Variants in HYOU1 observed in about 807,000 individuals in gnomAD.
HYOU1 encodes hypoxia up-regulated 1.
Under a neutral mutation model 120.5 loss-of-function variants are expected in HYOU1, and 40 were observed. That is an observed-to-expected ratio of 0.33 (90% CI 0.26 to 0.43). The LOEUF (loss-of-function observed/expected upper bound fraction) is 0.43, where lower values mean the gene tolerates loss of function less well. HYOU1 is among the 20% of genes least tolerant of loss of function. HYOU1 has a pLI of 1.00. For synonymous variants in HYOU1, 501 were observed against 479.4 expected, an observed-to-expected ratio of 1.05 and a Z score of -0.59; for missense variants, 1,085 against 1,278.3, an observed-to-expected ratio of 0.85 and a Z score of 2.31.
At chr11:119,054,420 G>A in intron 7 of HYOU1, 74 bp downstream of exon 7, 2 of 1,495,044 alleles carry the variant, frequency 1.3e-6, no homozygotes, top group Non-Finnish European at 1.9e-6. Flanking sequence ...CAAACCAGAT[G>A]CAAAAGGGAC....
chr11:119,056,097 G>A lies in HYOU1; in HGVS notation c.64C>T (p.Leu22Phe), dbSNP rs1272663839. 1 of 1,614,082 alleles carries A rather than the reference G, an allele frequency of 6.2e-7. No individual in the cohort carries two copies. Among genetic ancestry groups the A allele is most frequent in the Non-Finnish European group, 8.5e-7 (1 of 1,179,996 alleles). ...RRVCWALVAV[L>F]LADLLALSDT... ...CTCAGTGCCAACAGGTCTGCCAAGA[G>A]CACAGCCACCAAGGCCCAACAGACT... is the stretch of plus-strand genomic sequence containing the variant. The change falls in exon 2 of 26, where the codon CTC (leucine) becomes TTC (phenylalanine). Residue 22 changes from leucine (L) to phenylalanine (F), a missense_variant. Around this residue, in one of 4 missense-constraint regions of HYOU1, gnomAD observed 45 missense variants for 49.2 expected, o/e 0.91. Transcript: ENST00000617285.
chr11:119,056,300 C>T (rs543632148), intron 1 of HYOU1, 133 bp from the exon 2 acceptor site: 2 of 717,062 alleles, frequency 2.8e-6, no homozygotes, highest in South Asian at 3.0e-5. Context: ...CAGCCTACTT[C>T]TCCCCTTCTC....
chr11:119,054,475 C>A lies in HYOU1; in HGVS notation c.678+19G>T. The A allele has an allele frequency of 2.5e-6, 4 of 1,612,936 alleles. No homozygotes were observed. In the South Asian group the frequency reaches 4.4e-5, roughly 18 times the overall value. ...GATTCAGTCACCCTGCATGTCTGGT[C>A]AAGGCTCCCCTGGCTCACCTGGGCA... On this transcript the variant is annotated intron_variant, in intron 7 of 25. Transcript: ENST00000617285.
chr11:119,047,777 T>C lies in HYOU1; in HGVS notation c.2552A>G (p.Glu851Gly), dbSNP rs1944169685. 6.2e-7 allele frequency: 1 copy of C among 1,613,962 alleles called. No homozygotes were observed. Among genetic ancestry groups the C allele is most frequent in the African/African-American group, 1.3e-5 (1 of 74,898 alleles). Residue 851 changes from glutamate (E) to glycine (G), a missense_variant, in exon 22 of 26, where the codon GAG becomes GGG. By Grantham distance (98) the Glu-to-Gly change is moderately conservative. Coordinates refer to ENST00000617285, the MANE Select transcript of HYOU1 (RefSeq NM_006389.5). ...TTTCTCTAACGTTGTCATCTCCACC[T>C]CAGTGAAGATCTGGTCCATCTCTGG... The part of the protein sequence containing the change: ...LIPEMDQIFT[E>G]VEMTTLEKVI...
In HYOU1 at chr11:119,049,626, T is replaced by G. The variant is rs1944300406; in HGVS notation, c.1736A>C (p.Asn579Thr). The change falls in exon 16 of 26, where the codon AAC becomes ACC. Residue 579 changes from asparagine to threonine, a missense_variant. By Grantham distance (65) the Asn-to-Thr change is moderately conservative. This residue lies in a region of HYOU1 where 515 missense variants were observed against 677.8 expected (regional missense o/e 0.76). Coordinates refer to ENST00000617285, the MANE Select transcript of HYOU1 (RefSeq NM_006389.5). ...EEESTLTKLG[N>T]TISSLFGGGT... ...GCCTCCAAACAGGCTGGAAATGGTG[T>G]TGCCAAGTTCTAGGGGGAGTAAAAC... 1 of 1,614,048 alleles carries G rather than the reference T, an allele frequency of 6.2e-7. No individual in the cohort carries two copies. Among genetic ancestry groups the G allele is most frequent in the South Asian group, 1.1e-5 (1 of 91,094 alleles).
chr11:119,047,558 T>C (rs899083333), intron 22 of HYOU1, 176 bp downstream of exon 22: 8 of 602,896 alleles, frequency 1.3e-5, no homozygotes, highest in Admixed American at 5.8e-5. Context: ...ATGACTCTTA[T>C]GGCCATGGCC....
chr11:119,049,562 A>C lies in HYOU1; in HGVS notation c.1800T>G (p.Thr600=), dbSNP rs1944294672. The C allele has an allele frequency of 2.5e-6, 4 of 1,613,950 alleles. No homozygotes were observed. Among genetic ancestry groups the C allele is most frequent in the Non-Finnish European group, 3.4e-6 (4 of 1,179,982 alleles). ...GGCTCCATCCTGAACTCACCTGGAC[A>C]GTATCAGTACCATTCTCCTTGGCAT... ...TPDAKENGTD[T]VQEEEESPAE... is the part of the protein sequence containing the mutation. Residue 600 remains threonine, a synonymous_variant, in exon 16 of 26, where the codon ACT becomes ACG. Coordinates refer to ENST00000617285, the MANE Select transcript of HYOU1 (RefSeq NM_006389.5).
Position 119,049,160 on chromosome 11 carries a change from C to A in HYOU1, c.1850G>T (p.Gly617Val). The A allele has an allele frequency of 6.2e-7, 1 of 1,611,380 alleles. No homozygotes were observed. The highest frequency in any genetic ancestry group is 2.2e-5 in the East Asian group (1 of 44,866). Residue 617 changes from glycine (G) to valine (V), a missense_variant, in exon 17 of 26, where the codon GGG becomes GTG. Transcript: ENST00000617285. Reference sequence around the variant, plus strand: ...TTCCTCCTTGAGCTCCACCTGCTCCCCAGGCTCGTCCTTGCTCCCCTCTGC... The same window carrying A: ...TTCCTCCTTGAGCTCCACCTGCTCCACAGGCTCGTCCTTGCTCCCCTCTGC... Reference protein sequence around the residue: ...SPAEGSKDEPGEQVELKEEAE... With the variant: ...SPAEGSKDEPVEQVELKEEAE...
In HYOU1 at chr11:119,056,887, G is replaced by C. The variant is rs189002126; in HGVS notation, c.-8+133C>G. 3.6e-3 allele frequency: 566 copies of C among 156,178 alleles called. 8 individuals are homozygous for C. Among genetic ancestry groups the C allele is most frequent in the African/African-American group, 0.013 (538 of 41,476 alleles). 9.7% of individuals were successfully genotyped at this position (156,178 alleles called of 1,614,324 possible). A position where few individuals can be genotyped will look rare whatever the true frequency, so the allele number is the denominator to read the frequency against. ...GGGGACAGACCGGGGGCCGAGCTGC[G>C]TGCCCCCCGGTGCGAGGCCGAGCGC... On this transcript the variant is annotated intron_variant, in intron 1 of 25. Coordinates refer to ENST00000617285, the MANE Select transcript of HYOU1 (RefSeq NM_006389.5).
intron 16 of HYOU1, 148 bp from the exon 17 acceptor site, chr11:119,049,351 G>C: frequency 6.4e-7 from 1 of 1,553,350 alleles, no homozygotes; most frequent in Non-Finnish European, 8.7e-7. Context: ...TGGCAATCTA[G>C]CTGGACAAAG....
chr11:119,048,065 G>A lies in HYOU1; in HGVS notation c.2392C>T (p.Leu798=). Residue 798 remains leucine, a synonymous_variant, in exon 21 of 26, where the codon CTG becomes TTG. Coordinates refer to ENST00000617285, the MANE Select transcript of HYOU1 (RefSeq NM_006389.5). The surrounding 1 kb of genome is among the most constrained non-coding windows in gnomAD (Gnocchi z 4.7). The part of the protein sequence containing the change: ...GATTVMLKEK[L]AELRKLCQGL... ...TGGCACAGCTTCCTCAGCTCAGCCA[G>A]CTTCTCCTTCAACATCTGATGGATG... 6.2e-7 allele frequency: 1 copy of A among 1,614,224 alleles called. No homozygotes were observed. Among genetic ancestry groups the A allele is most frequent in the East Asian group, 2.2e-5 (1 of 44,886 alleles).
rs2133562065 is a variant in HYOU1, at chr11:119,048,252, G to C, written c.2372C>G (p.Thr791Arg). 6.2e-7 allele frequency: 1 copy of C among 1,611,184 alleles called. No homozygotes were observed. Among genetic ancestry groups the C allele is most frequent in the South Asian group, 1.1e-5 (1 of 90,992 alleles). The change falls in exon 20 of 26, where the codon ACA (threonine) becomes AGA (arginine). Residue 791 changes from threonine to arginine, a missense_variant. Physicochemically the swap from Thr to Arg is moderately conservative, Grantham distance 71 (BLOSUM62 -1). Around this residue, in one of 4 missense-constraint regions of HYOU1, gnomAD observed 516 missense variants for 517.1 expected, o/e 1.00. Transcript: ENST00000617285. This position sits in a 1 kb window ranked among gnomAD's most constrained non-coding sequence, Gnocchi z 4.7. ...ATGTCCTGAGAGGCCCCTCACCACT[G>C]TGGTGGCTCCAACACCCTCATCCTC... is the stretch of plus-strand genomic sequence containing the variant. Reference protein sequence around the residue: ...WLEDEGVGATTVMLKEKLAEL... With the variant: ...WLEDEGVGATRVMLKEKLAEL...
intron 25 of HYOU1, 28 bp downstream of exon 25, chr11:119,045,753 C>T: frequency 1.2e-6 from 2 of 1,613,304 alleles, no homozygotes; most frequent in Non-Finnish European, 1.7e-6. Context: ...CACCAGGCTT[C>T]CCACCGTAGC....
Position 119,054,230 on chromosome 11 carries a change from T to C in HYOU1, c.685A>G (p.Met229Val). The C allele has an allele frequency of 6.2e-7, 1 of 1,612,264 alleles. No individual in the cohort carries two copies. The highest frequency in any genetic ancestry group is 8.5e-7 in the Non-Finnish European group (1 of 1,178,322). ...KDINTTAQNI[M>V]FYDMGSGSTV... ...CTGCCTGAGCCCATGTCATAGAACA[T>C]GATATTCTGTAGAGATATCAAGGCA... The change falls in exon 8 of 26, where the codon ATG becomes GTG. Residue 229 changes from methionine (M) to valine (V), a missense_variant. Physicochemically the swap from Met to Val is conservative, Grantham distance 21. Coordinates refer to ENST00000617285, the MANE Select transcript of HYOU1 (RefSeq NM_006389.5).
intron 22 of HYOU1, chr11:119,047,507 C>T: frequency 2.0e-6 from 1 of 510,060 alleles, no homozygotes. Context: ...AAGCAGCTTT[C>T]TCTGTCCTCA....
chr11:119,048,618 C>T lies in HYOU1; in HGVS notation c.2166-55G>A. ...GGAGAGGGCAAGTGAGAACTTGAGA[C>T]TCTGGGTCCGACAGCCCTCCCTCCC... On this transcript the variant is annotated intron_variant, in intron 18 of 25. Coordinates refer to ENST00000617285, the MANE Select transcript of HYOU1 (RefSeq NM_006389.5). This position sits in a 1 kb window ranked among gnomAD's most constrained non-coding sequence, Gnocchi z 4.7. 6.2e-7 allele frequency: 1 copy of T among 1,609,802 alleles called. No homozygotes were observed. The highest frequency in any genetic ancestry group is 8.5e-7 in the Non-Finnish European group (1 of 1,177,238).
Position 119,046,451 on chromosome 11 carries a change from T to C in HYOU1, c.2853A>G (p.Ala951=), listed in dbSNP as rs2133549956. 11 of 1,614,156 alleles carry C rather than the reference T, an allele frequency of 6.8e-6. No individual in the cohort carries two copies. Among genetic ancestry groups the C allele is most frequent in the Non-Finnish European group, 8.5e-6 (10 of 1,180,016 alleles). Residue 951 remains alanine (A), a synonymous_variant, in exon 24 of 26, where the codon GCA becomes GCG. Transcript: ENST00000617285. ...CTTTCTCAGGTTCTGAAATGGGCTC[T>C]GCATCTTCAGTCTGGCCTAGAAGGA... is the stretch of plus-strand genomic sequence containing the variant. ...VIPPAGQTED[A]EPISEPEKVE...
intron 7 of HYOU1, 71 bp from the exon 8 acceptor site, chr11:119,054,307 T>C: frequency 7.7e-7 from 1 of 1,294,496 alleles, no homozygotes; most frequent in Non-Finnish European, 1.1e-6. Context: ...CCCACCCACC[T>C]GCTTCCAATG....
chr11:119,054,417 G>T, intron 7 of HYOU1, 77 bp downstream of exon 7: 2 of 1,474,876 alleles, frequency 1.4e-6, no homozygotes, highest in Non-Finnish European at 1.9e-6. Flanking sequence ...ATGCAAACCA[G>T]ATGCAAAAGG....
Sources: allele counts gnomAD v4.1 joint callset, GRCh38; gene constraint gnomAD v4.1.1; regional missense constraint gnomAD v4.1.1; non-coding constraint Gnocchi (gnomAD v3.1); transcripts MANE v1.5; gene names NCBI Gene and HGNC (gene_info 2026-07-23, HGNC 2026-07-21).